The following ANKS4B variants were observed in gnomAD, a reference collection of about 807,000 sequenced individuals.
ANKS4B encodes the protein ankyrin repeat and sterile alpha motif domain containing 4B.
A neutral mutation model predicts 20.2 loss-of-function variants in ANKS4B; 21 were observed. The ratio of observed to expected loss-of-function variants is 1.04; its 90% CI spans 0.74 to 1.50. The LOEUF is 1.50. Among genes scored for constraint, ANKS4B ranks in the 40% most tolerant of loss-of-function variants. The pLI, the probability that ANKS4B is intolerant of heterozygous loss-of-function variation, is 0.00. For synonymous variants in ANKS4B, 179 were observed against 194.5 expected (o/e 0.92, Z 0.66); for missense variants, 473 against 494.6 (o/e 0.96, Z 0.41).
rs758252199 is a variant in ANKS4B at position 21,249,694 on chromosome 16, G to T, written c.165-37G>T. On this transcript the variant is annotated intron_variant, in intron 1 of 1. Coordinates refer to ENST00000311620, the MANE Select transcript of ANKS4B (RefSeq NM_145865.3). ...TTGGGCCTGCGTTCAGAGAAAAAAA[G>T]TCCAACATGTATTTTTTTTCTCTCT... is the stretch of plus-strand genomic sequence containing the variant. 12 of 1,545,766 alleles carry T rather than the reference G, an allele frequency of 7.8e-6. No homozygotes were observed. The African/African-American group carries it at 1.5e-4, about 20-fold the overall frequency.
intron 1 of ANKS4B, among the ~76,000 whole-genome samples, chr16:21,244,911 C>G (rs1445695430): frequency 2.0e-5 from 3 of 152,044 alleles, no homozygotes; most frequent in Non-Finnish European, 4.4e-5. Flanking sequence ...TCCACTCTTT[C>G]CCCTTACCCC....
chr16:21,238,621 T>C (rs1386727850), intron 1 of ANKS4B, among the ~76,000 whole-genome samples: 1 of 152,172 alleles, frequency 6.6e-6, no homozygotes, highest in African/African-American at 2.4e-5. Context: ...TAATTTAAGA[T>C]CTGAATTATG....
rs754545694 is a variant in ANKS4B at position 21,250,634 on chromosome 16, C to G, written c.1068C>G (p.His356Gln). 1.9e-6 allele frequency: 3 copies of G among 1,613,958 alleles called. No homozygotes were observed. In the South Asian group the frequency reaches 3.3e-5, roughly 18 times the overall value. The change falls in exon 2 of 2, where the codon CAC becomes CAG. Residue 356 changes from histidine to glutamine, a missense_variant. Coordinates refer to ENST00000311620, the MANE Select transcript of ANKS4B (RefSeq NM_145865.3). ...TPLEVFLLSQ[H>Q]LEEFLPIFKR... ...TGGAAGTGTTCTTGCTGTCTCAGCA[C>G]CTGGAAGAATTCCTGCCTATCTTCA...
chr16:21,236,282 C>T (rs1016466170), intron 1 of ANKS4B, among the ~76,000 whole-genome samples: 3 of 152,148 alleles, frequency 2.0e-5, no homozygotes, highest in Non-Finnish European at 2.9e-5. Context: ...CTAAACCATT[C>T]ATGAGAAATT....
intron 1 of ANKS4B, among the ~76,000 whole-genome samples, chr16:21,236,435 G>C (rs8051620): frequency 0.35 from 52,559 of 151,998 alleles, 11,703 homozygotes; most frequent in African/African-American, 0.63. Context: ...AGAGGGTTTG[G>C]GGGTTCTGGG....
At chr16:21,236,856 T>G (rs762578360) in intron 1 of ANKS4B, among the ~76,000 whole-genome samples, 5 of 152,228 alleles carry the variant, frequency 3.3e-5, no homozygotes, top group Non-Finnish European at 7.3e-5. Context: ...TATACTATAG[T>G]GCATACAAAT....
chr16:21,233,992 C>T (rs947753158), intron 1 of ANKS4B, 91 bp downstream of exon 1: 11 of 1,201,142 alleles, frequency 9.2e-6, no homozygotes, highest in Non-Finnish European at 1.3e-5. Flanking sequence ...AATACAAATA[C>T]TTTATCCTCT....
At chr16:21,239,636 A>G (rs2093324081) in intron 1 of ANKS4B, among the ~76,000 whole-genome samples, 1 of 152,194 alleles carries the variant, frequency 6.6e-6, no homozygotes, top group Non-Finnish European at 1.5e-5. Context: ...GCACTGTCAC[A>G]ATAGCAAAGA....
At chr16:21,234,947 C>T (rs2093318440) in intron 1 of ANKS4B, among the ~76,000 whole-genome samples, 1 of 152,166 alleles carries the variant, frequency 6.6e-6, no homozygotes, top group Non-Finnish European at 1.5e-5. Context: ...GCCCCAGGCT[C>T]AAGTGGTCCT....
intron 1 of ANKS4B, among the ~76,000 whole-genome samples, chr16:21,243,632 T>C (rs895873602): frequency 5.9e-5 from 9 of 152,234 alleles, no homozygotes; most frequent in East Asian, 3.9e-4. Flanking sequence ...AGTGCAGTGG[T>C]GTGATCTCAG....
At chr16:21,236,978 A>G (rs940385715) in intron 1 of ANKS4B, among the ~76,000 whole-genome samples, 1 of 152,142 alleles carries the variant, frequency 6.6e-6, no homozygotes, top group East Asian at 1.9e-4. Flanking sequence ...CCTAGTTTGA[A>G]TAGGGCTATG....
chr16:21,248,085 G>A (rs896596484), intron 1 of ANKS4B, among the ~76,000 whole-genome samples: 1 of 152,234 alleles, frequency 6.6e-6, no homozygotes, highest in South Asian at 2.1e-4. Context: ...GGCTCAATTC[G>A]GGAGGGTAGC....
chr16:21,239,297 T>C (rs1052885776), intron 1 of ANKS4B, among the ~76,000 whole-genome samples: 2 of 152,078 alleles, frequency 1.3e-5, no homozygotes, highest in African/African-American at 4.8e-5. Flanking sequence ...ACAATAAAGA[T>C]ACATGCCTGG....
At chr16:21,246,648 T>C (rs1311041800) in intron 1 of ANKS4B, among the ~76,000 whole-genome samples, 1 of 152,130 alleles carries the variant, frequency 6.6e-6, no homozygotes, top group African/African-American at 2.4e-5. Flanking sequence ...GCTGGTAAAA[T>C]GGAAAAGCCC....
chr16:21,241,681 G>A (rs1479540262), intron 1 of ANKS4B, among the ~76,000 whole-genome samples: 3 of 152,058 alleles, frequency 2.0e-5, no homozygotes, highest in Admixed American at 6.6e-5. Flanking sequence ...CAAAGTGCTA[G>A]GATTATAGGC....
chr16:21,249,978 C>T lies in ANKS4B; in HGVS notation c.412C>T (p.Gln138Ter), dbSNP rs2093336801. ...NPKKVTRLKE[Q>*]AQKNARRQIK... The stretch of plus-strand genomic sequence containing the variant: ...CAAGAAGGTCACCAGGCTGAAGGAG[C>T]AGGCTCAGAAGAATGCCAGGAGGCA... The change falls in exon 2 of 2, where the codon CAG (glutamine) becomes TAG (stop). Residue 138 changes from glutamine (Q) to a stop codon, truncating the protein, a stop_gained. Transcript: ENST00000311620. LOFTEE classifies it high-confidence loss of function. The T allele has an allele frequency of 6.2e-7, 1 of 1,614,206 alleles. No homozygotes were observed. The highest frequency in any genetic ancestry group is 8.5e-7 in the Non-Finnish European group (1 of 1,180,040).
chr16:21,244,630 G>A (rs1399829488), intron 1 of ANKS4B, among the ~76,000 whole-genome samples: 1 of 151,942 alleles, frequency 6.6e-6, no homozygotes, highest in Non-Finnish European at 1.5e-5. Flanking sequence ...TAACGTCTTG[G>A]GTGTTTTACA....
chr16:21,250,909 C>T lies in ANKS4B; in HGVS notation c.*89C>T, dbSNP rs1343755294. The T allele has an allele frequency of 5.4e-6, 8 of 1,487,672 alleles. No individual in the cohort carries two copies. In the African/African-American group the frequency reaches 9.8e-5, roughly 18 times the overall value. The allele number at this position is 1,487,672 out of a possible 1,614,324, so 92.2% of individuals were successfully genotyped here. On this transcript the variant is annotated 3_prime_UTR_variant, in exon 2 of 2. Transcript: ENST00000311620. ...ACCCCCTCTTTACCCAATGCCAGACCACTGGGAATGGATTCTAGGGCATCG... is the reference window on the plus strand; with the variant it reads ...ACCCCCTCTTTACCCAATGCCAGACTACTGGGAATGGATTCTAGGGCATCG...
chr16:21,243,696 C>T (rs1360194869), intron 1 of ANKS4B, among the ~76,000 whole-genome samples: 1 of 152,020 alleles, frequency 6.6e-6, no homozygotes, highest in Non-Finnish European at 1.5e-5. Flanking sequence ...CTCAGCCTCC[C>T]GAGTAGCTGG....
Sources: allele counts gnomAD v4.1 joint callset (sites outside exome capture counted in the v4.1 genomes callset), GRCh38; gene constraint gnomAD v4.1.1; transcripts MANE v1.5; gene names NCBI Gene and HGNC (gene_info 2026-07-23, HGNC 2026-07-21).